TEX101: variants seen among roughly 807,000 people sequenced by gnomAD.
TEX101 encodes testis expressed 101, also known as testis-expressed protein 101.
A neutral mutation model predicts 18.1 loss-of-function variants in TEX101; 10 were observed. That is an observed-to-expected ratio of 0.55 (90% CI 0.34 to 0.94). TEX101 has a LOEUF of 0.94. Ranked by LOEUF, TEX101 falls within the 40% of genes least tolerant of loss-of-function variation. The pLI, the probability that TEX101 is intolerant of heterozygous loss-of-function variation, is 0.02. For synonymous variants in TEX101, 94 were observed against 114.8 expected (o/e 0.82, Z 1.16); for missense variants, 259 against 298.9 (o/e 0.87, Z 0.98).
chr19:43,406,503 G>A (rs755211840), exon 3 of TEX101: 11 of 754,898 alleles, frequency 1.5e-5, no homozygotes, highest in East Asian at 5.2e-5. Context: ...TTCAGTTCCC[G>A]CATGGGGGCG....
chr19:43,406,281 C>A (rs931504066), exon 3 of TEX101: 3 of 526,050 alleles, frequency 5.7e-6, no homozygotes, highest in Non-Finnish European at 1.0e-5. Context: ...CAGGAGCAAC[C>A]GTGACCCTCT....
upstream of TEX101, among the ~76,000 whole-genome samples, chr19:43,397,678 C>T (rs1172245883): frequency 3.4e-5 from 5 of 148,424 alleles, no homozygotes; most frequent in Admixed American, 2.1e-4. Context: ...CCCACAATAC[C>T]GTGATCACGC....
At chr19:43,397,852 TA>T (rs1970282604), upstream of TEX101, among the ~76,000 whole-genome samples, 1 of 105,974 alleles carries the variant, frequency 9.4e-6, no homozygotes, top group Non-Finnish European at 1.8e-5. Flanking sequence ...AAATATATAA[TA>T]TATATAAATA....
chr19:43,402,499 T>C (rs1970326315), intron 1 of TEX101, among the ~76,000 whole-genome samples: 1 of 152,180 alleles, frequency 6.6e-6, no homozygotes, highest in African/African-American at 2.4e-5. Flanking sequence ...TGGCTGGATG[T>C]AAAAAGTCGG....
chr19:43,408,225 G>A (rs772054406), intron 3 of TEX101, among the ~76,000 whole-genome samples: 1 of 152,190 alleles, frequency 6.6e-6, no homozygotes, highest in Non-Finnish European at 1.5e-5. Context: ...TCCGGGGGTG[G>A]AGAGGCGGTG....
chr19:43,417,886 G>A lies in TEX101; in HGVS notation c.400G>A (p.Val134Met). 6.2e-7 allele frequency: 1 copy of A among 1,614,142 alleles called. No homozygotes were observed. Among genetic ancestry groups the A allele is most frequent in the South Asian group, 1.1e-5 (1 of 91,086 alleles). The change falls in exon 5 of 6, where the codon GTG (valine) becomes ATG (methionine). Residue 134 changes from valine (V) to methionine (M), a missense_variant. Physicochemically the swap from Val to Met is conservative, Grantham distance 21. Transcript: ENST00000598265. Reference protein sequence around the residue: ...WEFSETTASTVSTTLHCPTCV... With the variant: ...WEFSETTASTMSTTLHCPTCV... ...CTCTCATTTCCCTCCAGCTTCCACT[G>A]TGTCAACAACCCTCCATTGTCCAAC... is the stretch of plus-strand genomic sequence containing the variant.
chr19:43,418,091 A>C (rs982443078), intron 5 of TEX101, 77 bp from the exon 6 acceptor site: 24 of 1,611,712 alleles, frequency 1.5e-5, no homozygotes, highest in Non-Finnish European at 2.0e-5. Flanking sequence ...TGAGCTCTCC[A>C]GGGATGAGGG....
At chr19:43,390,466 T>TTTTTTTTTTTTTTTTTTTTTTTTG in the TEX101 span, among the ~76,000 whole-genome samples, 1 of 115,364 alleles carries the variant, frequency 8.7e-6, no homozygotes, top group Non-Finnish European at 1.8e-5. Flanking sequence ...TTTTCTTTTT[T>TTTTTTTTTTTTTTTTTTTTTTTTG]TTTTTTTTTT....
At chr19:43,389,132 T>C in the TEX101 span, among the ~76,000 whole-genome samples, 17 of 152,322 alleles carry the variant, frequency 1.1e-4, no homozygotes, top group East Asian at 3.3e-3. Context: ...GCACCAGGAC[T>C]TCCCGCCGGG....
chr19:43,403,282 C>G (rs1431315056), intron 2 of TEX101, among the ~76,000 whole-genome samples: 1 of 152,166 alleles, frequency 6.6e-6, no homozygotes, highest in Non-Finnish European at 1.5e-5. Context: ...CTGAGTCATT[C>G]AGGCTTAAAG....
At position 43,418,208 on chromosome 19, in the gene TEX101, C is replaced by A; in HGVS notation, c.561C>A (p.Ala187=). 6.2e-7 allele frequency: 1 copy of A among 1,614,144 alleles called. No individual in the cohort carries two copies. Among genetic ancestry groups the A allele is most frequent in the Non-Finnish European group, 8.5e-7 (1 of 1,180,028 alleles). ...CTGTGGAGGTCAAAGGCTGTACAGC[C>A]ATGATTGGCTGCAGGCTGATGTCTG... is the stretch of plus-strand genomic sequence containing the variant. ...ESSVEVKGCT[A]MIGCRLMSGI... Residue 187 remains alanine (A), a synonymous_variant, in exon 6 of 6, where the codon GCC becomes GCA. Coordinates refer to ENST00000598265, the MANE Select transcript of TEX101 (RefSeq NM_001130011.3).
chr19:43,407,662 C>T (rs1319690636), intron 3 of TEX101, among the ~76,000 whole-genome samples: 1 of 152,184 alleles, frequency 6.6e-6, no homozygotes, highest in Non-Finnish European at 1.5e-5. Flanking sequence ...GATGAGGGAC[C>T]ACTGGGCTAA....
rs1970508744 is a variant in TEX101 at position 43,418,537 on chromosome 19, T to A, written c.*140T>A. ...CTATGAACGTATTTGACATTTTTAATACAATTTCTGCTATAATTTTTGTAT... is the reference window on the plus strand; with the variant it reads ...CTATGAACGTATTTGACATTTTTAAAACAATTTCTGCTATAATTTTTGTAT... On this transcript the variant is annotated 3_prime_UTR_variant, in exon 6 of 6. Transcript: ENST00000598265. 1.5e-6 allele frequency: 1 copy of A among 688,418 alleles called. No individual in the cohort carries two copies. The highest frequency in any genetic ancestry group is 3.0e-5 in the Admixed American group (1 of 33,142). 42.6% of individuals were successfully genotyped at this position (688,418 alleles called of 1,614,324 possible).
the TEX101 span, among the ~76,000 whole-genome samples, chr19:43,393,644 T>C: frequency 6.6e-6 from 1 of 152,214 alleles, no homozygotes; most frequent in East Asian, 1.9e-4. Flanking sequence ...CCCCATTCAT[T>C]ACAGATCAGC....
the TEX101 span, among the ~76,000 whole-genome samples, chr19:43,393,773 G>A: frequency 1.3e-5 from 2 of 151,046 alleles, no homozygotes; most frequent in African/African-American, 4.9e-5. Context: ...ACTTTCCAGA[G>A]AGGAAGCTCT....
intron 1 of TEX101, 85 bp downstream of exon 1, chr19:43,415,123 A>T: frequency 1.1e-6 from 1 of 922,842 alleles, no homozygotes. Context: ...GAGGGAGGGG[A>T]CCAGAATGGT....
upstream of TEX101, among the ~76,000 whole-genome samples, chr19:43,400,297 A>C (rs1158852091): frequency 6.6e-6 from 1 of 152,238 alleles, no homozygotes; most frequent in Non-Finnish European, 1.5e-5. Context: ...CAATTTAAAT[A>C]CTAAGGGTGC....
chr19:43,408,079 T>C (rs965743733), intron 3 of TEX101, among the ~76,000 whole-genome samples: 5 of 152,066 alleles, frequency 3.3e-5, no homozygotes, highest in African/African-American at 1.2e-4. Flanking sequence ...GTCTCCCGCG[T>C]CCCCATACCC....
At chr19:43,395,463 T>C in the TEX101 span, among the ~76,000 whole-genome samples, 1 of 152,266 alleles carries the variant, frequency 6.6e-6, no homozygotes, top group African/African-American at 2.4e-5. Context: ...GCTGCATGGA[T>C]TTCTTATTTA....
Sources: allele counts gnomAD v4.1 joint callset (sites outside exome capture counted in the v4.1 genomes callset), GRCh38; gene constraint gnomAD v4.1.1; transcripts MANE v1.5; gene names NCBI Gene and HGNC (gene_info 2026-07-23, HGNC 2026-07-21).